Variants in ZNF195 observed in about 807,000 individuals in gnomAD.
The protein encoded by ZNF195 is hypoxia-regulated factor-1.
In ZNF195, 11 loss-of-function variants were observed where a neutral mutation model predicts 19.5. The observed-to-expected ratio is 0.57, with a 90% CI of 0.36 to 0.94. The LOEUF is 0.94. Ranked by LOEUF, ZNF195 falls within the 40% of genes least tolerant of loss-of-function variation. The pLI is 0.01. For missense variants in ZNF195, 582 were observed against 709.0 expected (o/e 0.82, Z 2.03); for synonymous variants, 214 against 248.1 (o/e 0.86, Z 1.29).
chr11:3,359,010 A>G lies in ZNF195; in HGVS notation c.*108T>C. On this transcript the variant is annotated 3_prime_UTR_variant, in exon 6 of 6. Transcript: ENST00000399602. The surrounding 1 kb of genome is among the most constrained non-coding windows in gnomAD (Gnocchi z 5.5). ...CTTATATTTCATGAAAGGTCTTTCA[A>G]TAGTAATTACATTTATGATAACTTT... 2 of 1,321,188 alleles carry G rather than the reference A, an allele frequency of 1.5e-6. No individual in the cohort carries two copies. Among genetic ancestry groups the G allele is most frequent in the South Asian group, 2.2e-5 (1 of 44,900 alleles). The allele number at this position is 1,321,188 out of a possible 1,614,324, so 81.8% of individuals were successfully genotyped here.
chr11:3,360,535 A>T lies in ZNF195; in HGVS notation c.473T>A (p.Leu158Gln). Residue 158 changes from leucine to glutamine, a missense_variant, in exon 6 of 6, where the codon CTG becomes CAG. Physicochemically the swap from Leu to Gln is moderately radical, Grantham distance 113. This residue lies in a region of ZNF195 where 129 missense variants were observed against 112.1 expected (regional missense o/e 1.15). Transcript: ENST00000399602. ...AMSSHFTQDL[L>Q]PEQGIQDAFP... ...TGCATCTTGTATGCCCTGCTCTGGCAGAAGGTCTTGGGTAAAATGAGAAGA... is the reference window on the plus strand; with the variant it reads ...TGCATCTTGTATGCCCTGCTCTGGCTGAAGGTCTTGGGTAAAATGAGAAGA... The T allele has an allele frequency of 6.3e-7, 1 of 1,592,252 alleles. No individual in the cohort carries two copies. The highest frequency in any genetic ancestry group is 8.5e-7 in the Non-Finnish European group (1 of 1,173,846).
chr11:3,374,342 A>G (rs1321875071), intron 1 of ZNF195, among the ~76,000 whole-genome samples: 1 of 152,198 alleles, frequency 6.6e-6, no homozygotes, highest in East Asian at 1.9e-4. Context: ...ACTCAGCTAA[A>G]GAAAGCAGCC....
intron 1 of ZNF195, among the ~76,000 whole-genome samples, chr11:3,378,358 G>T (rs1849573188): frequency 9.5e-6 from 1 of 105,656 alleles, no homozygotes; most frequent in African/African-American, 3.3e-5. Flanking sequence ...GGTGGCTCTA[G>T]TGCCCTGGGT....
rs1848734645 is a variant in ZNF195 at position 3,363,671 on chromosome 11, A to G, written c.227-1782T>C. Among the ~76,000 whole-genome samples the G allele has an allele frequency of 2.0e-5, 3 of 152,210 alleles. No individual in the cohort carries two copies. The South Asian group carries it at 6.2e-4, about 31-fold the overall frequency. ...TTTGCAGAAATAAAAGCAACAACCTAAAAATCCTAAGACATCTCAAGGGGC... is the reference window on the plus strand; with the variant it reads ...TTTGCAGAAATAAAAGCAACAACCTGAAAATCCTAAGACATCTCAAGGGGC... On this transcript the variant is annotated intron_variant, in intron 3 of 5. Coordinates refer to ENST00000399602, the MANE Select transcript of ZNF195 (RefSeq NM_001130520.3).
rs769018843 is a variant in ZNF195, at chr11:3,371,590, G to A, written c.117C>T (p.Asn39=). ...AGTTATCCTCACCAACGGAGAACAA[G>A]TTTCTGTAGTTCTCCAACATCACAT... ...YRDVMLENYR[N]LFSVGLTVCK... The change falls in exon 2 of 6, where the codon AAC becomes AAT. Residue 39 remains asparagine (N), a synonymous_variant. Transcript: ENST00000399602. 1.9e-6 allele frequency: 3 copies of A among 1,614,144 alleles called. No homozygotes were observed. Among genetic ancestry groups the A allele is most frequent in the South Asian group, 2.2e-5 (2 of 91,084 alleles).
chr11:3,362,944 T>C (rs1355482224), intron 3 of ZNF195: 1 of 162,300 alleles, frequency 6.2e-6, no homozygotes, highest in East Asian at 1.7e-4. Flanking sequence ...AGGTTACAAT[T>C]GTATTATGCA....
chr11:3,360,616 C>A, intron 5 of ZNF195, 51 bp from the exon 6 acceptor site: 2 of 1,548,218 alleles, frequency 1.3e-6, no homozygotes, highest in Non-Finnish European at 1.7e-6. Context: ...GATGAATACA[C>A]TTTATGAATC....
At position 3,359,915 on chromosome 11, in the gene ZNF195, A is replaced by C. The variant is rs1045953072; in HGVS notation, c.1093T>G (p.Ser365Ala). The C allele has an allele frequency of 2.5e-6, 4 of 1,614,092 alleles. No homozygotes were observed. In the Admixed American group the frequency reaches 5.0e-5, roughly 20 times the overall value. The change falls in exon 6 of 6, where the codon TCT becomes GCT. Residue 365 changes from serine (S) to alanine (A), a missense_variant. This residue lies in a region of ZNF195 where 407 missense variants were observed against 530.5 expected (regional missense o/e 0.77). Transcript: ENST00000399602. This position sits in a 1 kb window ranked among gnomAD's most constrained non-coding sequence, Gnocchi z 5.5. Reference sequence around the variant, plus strand: ...TGTTGATTAGAAAGGCTTGAGCAAGAGATAAAGACACTGCTGCACTCTTCA... The same window carrying C: ...TGTTGATTAGAAAGGCTTGAGCAAGCGATAAAGACACTGCTGCACTCTTCA... ...KYEECSSVFI[S>A]CSSLSNQQMI...
Position 3,359,572 on chromosome 11 carries a change from G to C in ZNF195, c.1436C>G (p.Ser479Ter). 6.2e-7 allele frequency: 1 copy of C among 1,614,156 alleles called. No individual in the cohort carries two copies. Among genetic ancestry groups the C allele is most frequent in the Non-Finnish European group, 8.5e-7 (1 of 1,180,020 alleles). ...EECGKVFRTCSSLSNHKRTHS... is the reference protein window; with the variant it reads ...EECGKVFRTC ...AGTTCTCTTATGGTTAGAAAGGCTT[G>C]AGCAAGTTCTGAAGACCTTCCCACA... The change falls in exon 6 of 6, where the codon TCA becomes TGA. Residue 479 changes from serine to a stop codon, truncating the protein, a stop_gained. Coordinates refer to ENST00000399602, the MANE Select transcript of ZNF195 (RefSeq NM_001130520.3). LOFTEE classifies it low-confidence loss of function (END_TRUNC). The surrounding 1 kb of genome is among the most constrained non-coding windows in gnomAD (Gnocchi z 5.5).
intron 4 of ZNF195, among the ~76,000 whole-genome samples, chr11:3,361,114 G>A (rs995804849): frequency 6.6e-6 from 1 of 152,190 alleles, no homozygotes; most frequent in Admixed American, 6.5e-5. Flanking sequence ...AGTGTATTGT[G>A]TGATTCCAGG....
intron 1 of ZNF195, among the ~76,000 whole-genome samples, chr11:3,376,206 G>A (rs1849452484): frequency 1.3e-5 from 2 of 152,114 alleles, no homozygotes; most frequent in African/African-American, 2.4e-5. Context: ...TTCCATGGTT[G>A]CTGTGAGCAG....
chr11:3,364,047 C>T (rs762733517), intron 3 of ZNF195, among the ~76,000 whole-genome samples: 1 of 151,850 alleles, frequency 6.6e-6, no homozygotes, highest in Non-Finnish European at 1.5e-5. Flanking sequence ...AAAAATGTTA[C>T]TAACCAAGAA....
chr11:3,376,907 C>A (rs546806630), intron 1 of ZNF195, among the ~76,000 whole-genome samples: 6 of 152,130 alleles, frequency 3.9e-5, no homozygotes, highest in Non-Finnish European at 7.4e-5. Flanking sequence ...AGTAATCTAC[C>A]ATAATTTTTT....
At chr11:3,362,649 T>C (rs755527265) in intron 3 of ZNF195, 1 of 534,312 alleles carries the variant, frequency 1.9e-6, no homozygotes, top group Admixed American at 3.1e-5. Flanking sequence ...AAGCTTATTA[T>C]ACAAAGTACA....
rs368569364 is a variant in ZNF195, at chr11:3,360,366, T to G, written c.642A>C (p.Lys214Asn). 1.2e-6 allele frequency: 2 copies of G among 1,605,266 alleles called. No homozygotes were observed. Among genetic ancestry groups the G allele is most frequent in the Non-Finnish European group, 1.7e-6 (2 of 1,175,250 alleles). ...LNQCSSTTHS[K>N]IFQYNKYVKI... ...TAACATATTTATTATATTGAAAGATTTTGCTATGGGTAGTTGATGAACATT... is the reference window on the plus strand; with the variant it reads ...TAACATATTTATTATATTGAAAGATGTTGCTATGGGTAGTTGATGAACATT... Residue 214 changes from lysine (K) to asparagine (N), a missense_variant, in exon 6 of 6, where the codon AAA becomes AAC. This residue lies in a region of ZNF195 where 407 missense variants were observed against 530.5 expected (regional missense o/e 0.77). Transcript: ENST00000399602.
chr11:3,377,896 T>G (rs1849542346), intron 1 of ZNF195: 1 of 987,396 alleles, frequency 1.0e-6, no homozygotes, highest in Non-Finnish European at 1.2e-6. Context: ...GTAAGGTGTC[T>G]GTGCCTAGGG....
At position 3,359,026 on chromosome 11, in the gene ZNF195, T is replaced by C. The variant is rs1848502141; in HGVS notation, c.*92A>G. The C allele has an allele frequency of 7.2e-7, 1 of 1,385,552 alleles. No homozygotes were observed. Among genetic ancestry groups the C allele is most frequent in the South Asian group, 2.0e-5 (1 of 50,486 alleles). The allele number at this position is 1,385,552 out of a possible 1,614,324, so 85.8% of individuals were successfully genotyped here. A position where few individuals can be genotyped will look rare whatever the true frequency, so the allele number is the denominator to read the frequency against. Reference sequence around the variant, plus strand: ...GGTCTTTCAATAGTAATTACATTTATGATAACTTTATTAAGTCTGAACTCT... The same window carrying C: ...GGTCTTTCAATAGTAATTACATTTACGATAACTTTATTAAGTCTGAACTCT... On this transcript the variant is annotated 3_prime_UTR_variant, in exon 6 of 6. Transcript: ENST00000399602. The surrounding 1 kb of genome is among the most constrained non-coding windows in gnomAD (Gnocchi z 5.5).
At chr11:3,367,063 TAA>T (rs745424546) in intron 3 of ZNF195, 6,274 of 142,948 alleles carry the variant, frequency 0.044, 50 homozygotes, top group South Asian at 0.075. Context: ...AAACTCTGTG[TAA>T]AAAAAAAAAA....
chr11:3,365,248 CAGA>C (rs1281681864), intron 3 of ZNF195, among the ~76,000 whole-genome samples: 1 of 152,170 alleles, frequency 6.6e-6, no homozygotes, highest in Non-Finnish European at 1.5e-5. Flanking sequence ...GAAAATTACA[CAGA>C]AGATCAATAA....
Sources: gnomAD v4.1 joint callset for allele counts (sites outside exome capture counted in the v4.1 genomes callset) on GRCh38, gnomAD v4.1.1 for gene constraint, gnomAD v4.1.1 regional missense constraint, Gnocchi (gnomAD v3.1) non-coding constraint, MANE v1.5 for transcripts, NCBI Gene and HGNC (gene_info 2026-07-23, HGNC 2026-07-21) for gene names.